Variants in RNF152 observed in about 807,000 individuals in gnomAD.
The protein encoded by RNF152 is E3 ubiquitin-protein ligase RNF152.
RNF152 carries 11 observed loss-of-function variants against 12.7 expected under a neutral mutation model. That is an observed-to-expected ratio of 0.86 (90% CI 0.54 to 1.43). RNF152 has a LOEUF of 1.43. Among genes scored for constraint, RNF152 ranks in the 40% most tolerant of loss-of-function variants. The probability of loss-of-function intolerance (pLI) is 0.00; values close to 1 mark genes in which losing one functional copy is unlikely to be tolerated. For synonymous variants in RNF152, 113 were observed against 120.3 expected, an observed-to-expected ratio of 0.94 and a Z score of 0.40; for missense variants, 255 against 274.8, an observed-to-expected ratio of 0.93 and a Z score of 0.51.
At chr18:61,848,166 C>T (rs902196538) in intron 1 of RNF152, among the ~76,000 whole-genome samples, 2 of 152,092 alleles carry the variant, frequency 1.3e-5, no homozygotes, top group African/African-American at 4.8e-5. Flanking sequence ...CGCCTCTGGG[C>T]TCCTCTCACA....
intron 1 of RNF152, among the ~76,000 whole-genome samples, chr18:61,891,497 GT>G (rs1912959691): frequency 6.6e-6 from 1 of 151,824 alleles, no homozygotes; most frequent in African/African-American, 2.4e-5. Context: ...CCCATCACAT[GT>G]TTTTTCTTCT....
At chr18:61,865,471 T>C (rs1269288143) in intron 1 of RNF152, among the ~76,000 whole-genome samples, 1 of 152,216 alleles carries the variant, frequency 6.6e-6, no homozygotes, top group African/African-American at 2.4e-5. Flanking sequence ...TTCATGGCTG[T>C]TCCTATCTAA....
At chr18:61,893,623 C>G (rs955118031), upstream of RNF152, 1 of 152,534 alleles carries the variant, frequency 6.6e-6, no homozygotes, top group Non-Finnish European at 1.5e-5. Flanking sequence ...CCCTTCACAG[C>G]GCTCTCTAAT....
At chr18:61,835,553 T>C (rs1910142247) in intron 1 of RNF152, among the ~76,000 whole-genome samples, 1 of 152,172 alleles carries the variant, frequency 6.6e-6, no homozygotes, top group Admixed American at 6.5e-5. Flanking sequence ...TCAATATGAC[T>C]TTTTTGAATT....
In RNF152 at chr18:61,869,534, T is replaced by C. The variant is rs139434772; in HGVS notation, c.-136+23261A>G. 2.6e-5 allele frequency among the ~76,000 whole-genome samples: 4 copies of C among 152,326 alleles called. No individual in the cohort carries two copies. In the East Asian group the frequency reaches 7.7e-4, roughly 29 times the overall value. Reference sequence around the variant, plus strand: ...CCACTTGATAAAGGAACACAAACTTTTGTGTTATTTCCATTTGTTTAGGTT... The same window carrying C: ...CCACTTGATAAAGGAACACAAACTTCTGTGTTATTTCCATTTGTTTAGGTT... On this transcript the variant is annotated intron_variant, in intron 1 of 1. Transcript: ENST00000312828.
At chr18:61,874,164 C>T (rs1183851909) in intron 1 of RNF152, among the ~76,000 whole-genome samples, 1 of 152,208 alleles carries the variant, frequency 6.6e-6, no homozygotes, top group African/African-American at 2.4e-5. Flanking sequence ...GCTACCCTGA[C>T]ATCTTAGGTA....
At chr18:61,867,451 CAA>C (rs879642174) in intron 1 of RNF152, among the ~76,000 whole-genome samples, 1 of 133,446 alleles carries the variant, frequency 7.5e-6, no homozygotes, top group Non-Finnish European at 1.6e-5. Context: ...GACACCATCT[CAA>C]AAAAAAAAAA....
At chr18:61,837,480 A>G (rs548213072) in intron 1 of RNF152, among the ~76,000 whole-genome samples, 9 of 152,218 alleles carry the variant, frequency 5.9e-5, no homozygotes, top group Non-Finnish European at 1.2e-4. Flanking sequence ...AAACGTCATG[A>G]TGTCTGCCAA....
At chr18:61,843,402 A>G (rs1910540591) in intron 1 of RNF152, among the ~76,000 whole-genome samples, 1 of 152,236 alleles carries the variant, frequency 6.6e-6, no homozygotes, top group Admixed American at 6.5e-5. Flanking sequence ...CAGTTCCTCA[A>G]AAAATTAAAA....
intron 1 of RNF152, among the ~76,000 whole-genome samples, chr18:61,864,663 G>C (rs1416441997): frequency 3.3e-5 from 5 of 152,176 alleles, no homozygotes; most frequent in Admixed American, 6.5e-5. Context: ...TCTAATCACA[G>C]AGTTGGTTCC....
intron 1 of RNF152, among the ~76,000 whole-genome samples, chr18:61,856,817 T>G (rs1911244457): frequency 6.6e-6 from 1 of 152,098 alleles, no homozygotes; most frequent in Non-Finnish European, 1.5e-5. Context: ...ATGTGCTCAC[T>G]GAAGTGGGAG....
chr18:61,877,497 C>T (rs113025132), intron 1 of RNF152, among the ~76,000 whole-genome samples: 6,769 of 152,270 alleles, frequency 0.044, 215 homozygotes, highest in Middle Eastern at 0.061. Context: ...TAAATTGCCA[C>T]AAATATCTCA....
rs1282880853 is a variant in RNF152, at chr18:61,814,226, T to C, written c.*1626A>G. 2 of 152,344 alleles carry C rather than the reference T, an allele frequency of 1.3e-5. No individual in the cohort carries two copies. Among genetic ancestry groups the C allele is most frequent in the Admixed American group, 1.3e-4 (2 of 15,306 alleles). The allele number at this position is 152,344 out of a possible 1,614,324, so 9.4% of individuals were successfully genotyped here. On this transcript the variant is annotated 3_prime_UTR_variant, in exon 2 of 2. Coordinates refer to ENST00000312828, the MANE Select transcript of RNF152 (RefSeq NM_173557.3). ...CTGCTTGAAGATAACAGACAGCATGTAAATAAATTAAATTGTCTTGACCTC... is the reference window on the plus strand; with the variant it reads ...CTGCTTGAAGATAACAGACAGCATGCAAATAAATTAAATTGTCTTGACCTC...
intron 1 of RNF152, among the ~76,000 whole-genome samples, chr18:61,818,665 TGCACAAA>T (rs947499020): frequency 1.3e-5 from 2 of 152,234 alleles, no homozygotes; most frequent in Non-Finnish European, 2.9e-5. Flanking sequence ...ATATCTATTA[TGCACAAA>T]GCACAAAGCT....
intron 1 of RNF152, among the ~76,000 whole-genome samples, chr18:61,887,457 G>A (rs1208450469): frequency 1.3e-5 from 2 of 152,138 alleles, no homozygotes; most frequent in African/African-American, 2.4e-5. Context: ...GGTGGCTCAC[G>A]CCTGTAATTC....
intron 1 of RNF152, among the ~76,000 whole-genome samples, chr18:61,846,301 T>C (rs1316763849): frequency 1.3e-5 from 2 of 152,160 alleles, no homozygotes; most frequent in Non-Finnish European, 2.9e-5. Flanking sequence ...GGAGCTTCCA[T>C]GGTGTCATGT....
upstream of RNF152, chr18:61,894,313 G>T (rs1399048825): frequency 6.6e-6 from 1 of 150,932 alleles, no homozygotes; most frequent in Non-Finnish European, 1.5e-5. This position sits in a 1 kb window ranked among gnomAD's most constrained non-coding sequence, Gnocchi z 4.9. Context: ...CTGACAGCGC[G>T]GCGGCGGCGC....
chr18:61,848,310 A>T (rs1034980350), intron 1 of RNF152, among the ~76,000 whole-genome samples: 1 of 152,170 alleles, frequency 6.6e-6, no homozygotes, highest in South Asian at 2.1e-4. Flanking sequence ...TTTTTGCAAG[A>T]TATCAGTGCT....
At chr18:61,847,668 T>G (rs1332168530) in intron 1 of RNF152, among the ~76,000 whole-genome samples, 1 of 152,194 alleles carries the variant, frequency 6.6e-6, no homozygotes. Context: ...ACAACAGTCA[T>G]GCGTTTGAGA....
Sources: gnomAD v4.1 joint callset for allele counts (sites outside exome capture counted in the v4.1 genomes callset) on GRCh38, gnomAD v4.1.1 for gene constraint, Gnocchi (gnomAD v3.1) non-coding constraint, MANE v1.5 for transcripts, NCBI Gene and HGNC (gene_info 2026-07-23, HGNC 2026-07-21) for gene names.